NRXN3: variants seen among roughly 807,000 people sequenced by gnomAD.
The protein encoded by NRXN3 is neurexin 3.
Under a neutral mutation model 137.6 loss-of-function variants are expected in NRXN3, and 32 were observed. That is an observed-to-expected ratio of 0.23 (90% CI 0.18 to 0.31). The LOEUF (loss-of-function observed/expected upper bound fraction) is 0.31, where lower values mean the gene tolerates loss of function less well. NRXN3 is among the 10% of genes least tolerant of loss of function. The pLI is 1.00. For missense variants in NRXN3, 1,574 were observed against 2,062.5 expected (o/e 0.76, Z 4.59); for synonymous variants, 798 against 784.5 (o/e 1.02, Z -0.29).
intron 16 of NRXN3, among the ~76,000 whole-genome samples, chr14:79,604,958 G>A (rs1039499772): frequency 5.9e-5 from 9 of 152,128 alleles, no homozygotes; most frequent in Non-Finnish European, 1.0e-4. Context: ...CTTGAACCCA[G>A]GAGGTGGAGG....
At chr14:78,277,793 G>A (rs1159003767) in intron 2 of NRXN3, among the ~76,000 whole-genome samples, 1 of 152,240 alleles carries the variant, frequency 6.6e-6, no homozygotes, top group South Asian at 2.1e-4. Flanking sequence ...AGGAGATTAT[G>A]TTGTTCATGG....
Position 78,662,930 on chromosome 14 carries a change from A to G in NRXN3, c.1221+11604A>G, listed in dbSNP as rs149748158. 1.3e-3 allele frequency among the ~76,000 whole-genome samples: 202 copies of G among 152,344 alleles called. 1 individual carries two copies. The highest frequency in any genetic ancestry group is 4.5e-3 in the African/African-American group (188 of 41,582). On this transcript the variant is annotated intron_variant, in intron 6 of 20. Coordinates refer to ENST00000335750, the MANE Select transcript of NRXN3 (RefSeq NM_001330195.2). ...AGCAATTATAATCATAGCAGCAACAATAAAGACTAGCAATTATTGAACACT... is the reference window on the plus strand; with the variant it reads ...AGCAATTATAATCATAGCAGCAACAGTAAAGACTAGCAATTATTGAACACT...
At chr14:78,237,425 T>C (rs1398858354) in intron 1 of NRXN3, among the ~76,000 whole-genome samples, 2 of 152,252 alleles carry the variant, frequency 1.3e-5, no homozygotes, top group African/African-American at 4.8e-5. Flanking sequence ...TTCTTGGCTC[T>C]GATTTCTTCC....
At chr14:78,898,332 G>A (rs1051365316) in intron 10 of NRXN3, among the ~76,000 whole-genome samples, 9 of 151,884 alleles carry the variant, frequency 5.9e-5, no homozygotes, top group Non-Finnish European at 1.3e-4. Context: ...TTTTAAACAA[G>A]GACTTTGAAG....
intron 16 of NRXN3, among the ~76,000 whole-genome samples, chr14:79,654,083 T>A (rs1031024245): frequency 3.3e-5 from 5 of 152,180 alleles, no homozygotes; most frequent in African/African-American, 1.2e-4. Flanking sequence ...TATCTGAGAA[T>A]GTTACATTTC....
chr14:79,666,044 G>T (rs2098555727), intron 17 of NRXN3, among the ~76,000 whole-genome samples: 1 of 152,084 alleles, frequency 6.6e-6, no homozygotes, highest in African/African-American at 2.4e-5. Flanking sequence ...ACCTTGAAAT[G>T]TCCTAAGCAT....
intron 4 of NRXN3, among the ~76,000 whole-genome samples, chr14:78,494,254 A>C (rs1016087836): frequency 2.0e-5 from 3 of 152,164 alleles, no homozygotes; most frequent in Non-Finnish European, 2.9e-5. Flanking sequence ...CATTAGTCCA[A>C]TATAGGTATT....
At chr14:79,800,745 A>G (rs993282051) in intron 19 of NRXN3, among the ~76,000 whole-genome samples, 11 of 152,326 alleles carry the variant, frequency 7.2e-5, no homozygotes, top group South Asian at 2.1e-4. Context: ...CATCTGAAAA[A>G]GAACACAGAC....
Position 79,595,244 on chromosome 14 carries a change from G to C in NRXN3, c.3445-68534G>C, listed in dbSNP as rs370759550. On this transcript the variant is annotated intron_variant, in intron 16 of 20. Coordinates refer to ENST00000335750, the MANE Select transcript of NRXN3 (RefSeq NM_001330195.2). ...ACAACCTACCTGCAGCACTTGCCCT[G>C]TCCTGTTCATATTGTGGACAATCAT... Among the ~76,000 whole-genome samples, 4 of 152,138 alleles carry C rather than the reference G, an allele frequency of 2.6e-5. No homozygotes were observed. The East Asian group carries it at 5.8e-4, about 22-fold the overall frequency.
At chr14:79,837,919 T>C (rs1293290940) in intron 20 of NRXN3, among the ~76,000 whole-genome samples, 1 of 152,158 alleles carries the variant, frequency 6.6e-6, no homozygotes, top group Non-Finnish European at 1.5e-5. Context: ...AAATACCTTT[T>C]ATTTTCAATA....
intron 15 of NRXN3, among the ~76,000 whole-genome samples, chr14:79,315,314 T>C (rs944119685): frequency 1.3e-5 from 2 of 152,116 alleles, no homozygotes; most frequent in Non-Finnish European, 2.9e-5. Flanking sequence ...CTTTGACAGG[T>C]GTTTGGGAAT....
intron 8 of NRXN3, among the ~76,000 whole-genome samples, chr14:78,770,107 T>C (rs2098722139): frequency 6.6e-6 from 1 of 152,176 alleles, no homozygotes; most frequent in South Asian, 2.1e-4. Context: ...CACAACGGGG[T>C]GATAGGCTTT....
intron 15 of NRXN3, among the ~76,000 whole-genome samples, chr14:79,354,390 G>A (rs2093344220): frequency 6.6e-6 from 1 of 152,030 alleles, no homozygotes; most frequent in Non-Finnish European, 1.5e-5. Context: ...CACTATAAAT[G>A]TATCACCAAA....
chr14:79,579,188 G>T (rs1477140056), intron 16 of NRXN3, among the ~76,000 whole-genome samples: 2 of 151,466 alleles, frequency 1.3e-5, no homozygotes, highest in African/African-American at 2.4e-5. Flanking sequence ...GGACACAGAT[G>T]AAAAATTCTA....
At chr14:79,687,453 T>G (rs1258447240) in intron 17 of NRXN3, among the ~76,000 whole-genome samples, 3 of 152,198 alleles carry the variant, frequency 2.0e-5, no homozygotes, top group African/African-American at 7.2e-5. Flanking sequence ...CCCTAGTACT[T>G]GAGGGCAGCA....
chr14:79,480,040 T>A (rs1600905158), intron 16 of NRXN3, among the ~76,000 whole-genome samples: 1 of 151,048 alleles, frequency 6.6e-6, no homozygotes, highest in East Asian at 1.9e-4. Context: ...AAAAACCCAT[T>A]TATTCCTACT....
intron 4 of NRXN3, among the ~76,000 whole-genome samples, chr14:78,544,066 AT>A (rs1220026838): frequency 6.6e-6 from 1 of 152,130 alleles, no homozygotes; most frequent in Non-Finnish European, 1.5e-5. Context: ...ACTGTCTTAC[AT>A]TTCCAGGTTT....
chr14:79,535,496 GTT>G (rs1024155300), intron 16 of NRXN3, among the ~76,000 whole-genome samples: 1 of 152,024 alleles, frequency 6.6e-6, no homozygotes, highest in Non-Finnish European at 1.5e-5. Flanking sequence ...TTATTTTTAA[GTT>G]TTGTTTATTT....
intron 15 of NRXN3, among the ~76,000 whole-genome samples, chr14:79,295,931 CAT>C (rs1460726726): frequency 6.6e-6 from 1 of 152,088 alleles, no homozygotes; most frequent in Non-Finnish European, 1.5e-5. Context: ...AATTATTAAA[CAT>C]ATATTCAGTC....
Sources: gnomAD v4.1 joint callset for allele counts (sites outside exome capture counted in the v4.1 genomes callset) on GRCh38, gnomAD v4.1.1 for gene constraint, MANE v1.5 for transcripts, NCBI Gene and HGNC (gene_info 2026-07-23, HGNC 2026-07-21) for gene names.